The following AP3S1 variants were observed in gnomAD, a reference collection of about 807,000 sequenced individuals.
The protein encoded by AP3S1 is AP-3 complex subunit sigma-1.
In AP3S1, 12 loss-of-function variants were observed where a neutral mutation model predicts 21.3. That is an observed-to-expected ratio of 0.56 (90% CI 0.36 to 0.91). The LOEUF is 0.91. AP3S1 is among the 40% of genes least tolerant of loss of function. AP3S1 has a pLI of 0.01. For synonymous variants in AP3S1, 48 were observed against 78.4 expected, an observed-to-expected ratio of 0.61 and a Z score of 2.05; for missense variants, 116 against 225.0, an observed-to-expected ratio of 0.52 and a Z score of 3.10.
intron 4 of AP3S1, among the ~76,000 whole-genome samples, chr5:115,896,317 G>A (rs1486221742): frequency 6.6e-6 from 1 of 152,144 alleles, no homozygotes; most frequent in East Asian, 1.9e-4. Context: ...TTTACCAAGT[G>A]ATTTGATTTT....
At chr5:115,890,128 C>G (rs954422535) in intron 3 of AP3S1, among the ~76,000 whole-genome samples, 1 of 152,140 alleles carries the variant, frequency 6.6e-6, no homozygotes, top group Non-Finnish European at 1.5e-5. Flanking sequence ...ACTCTTTGAC[C>G]TAGCAGTTCT....
intron 2 of AP3S1, among the ~76,000 whole-genome samples, chr5:115,868,948 A>G (rs960002020): frequency 4.6e-5 from 2 of 43,358 alleles, no homozygotes; most frequent in African/African-American, 1.0e-4. Flanking sequence ...GAAGGAAGGA[A>G]GGAAGGGAGG....
chr5:115,846,143 A>G (rs987420830), intron 1 of AP3S1, among the ~76,000 whole-genome samples: 3 of 152,158 alleles, frequency 2.0e-5, no homozygotes, highest in African/African-American at 7.2e-5. Flanking sequence ...TTGTGATTCC[A>G]TAGTGTATCC....
chr5:115,872,914 A>G (rs1748395075), intron 3 of AP3S1, among the ~76,000 whole-genome samples: 1 of 152,178 alleles, frequency 6.6e-6, no homozygotes, highest in Non-Finnish European at 1.5e-5. Flanking sequence ...TCTGTTTCCC[A>G]TGACTGAAGA....
intron 3 of AP3S1, among the ~76,000 whole-genome samples, chr5:115,890,164 T>C (rs1339503983): frequency 6.6e-6 from 1 of 152,234 alleles, no homozygotes; most frequent in Non-Finnish European, 1.5e-5. Context: ...TCAGTAGATA[T>C]GTGTATACGT....
chr5:115,849,404 G>A (rs1762280143), intron 1 of AP3S1, among the ~76,000 whole-genome samples: 1 of 152,200 alleles, frequency 6.6e-6, no homozygotes, highest in Non-Finnish European at 1.5e-5. Context: ...CAGGCAGAAA[G>A]AAGTGCAGTG....
intron 3 of AP3S1, among the ~76,000 whole-genome samples, chr5:115,872,043 G>T (rs2112845215): frequency 6.6e-6 from 1 of 152,270 alleles, no homozygotes; most frequent in East Asian, 1.9e-4. Context: ...GCCAGGTGTG[G>T]TAGTTCACAC....
intron 3 of AP3S1, among the ~76,000 whole-genome samples, chr5:115,883,512 G>C (rs1338485362): frequency 6.6e-6 from 1 of 152,126 alleles, no homozygotes; most frequent in Non-Finnish European, 1.5e-5. Context: ...CCCTGCTTCT[G>C]CTCACCCTTT....
chr5:115,864,665 C>G lies in AP3S1; in HGVS notation c.70-2005C>G, dbSNP rs559268390. Reference sequence around the variant, plus strand: ...TGACTTCACAGGATTTATGACACAACCAATCAAAGAAATCATGGAAGAGAT... The same window carrying G: ...TGACTTCACAGGATTTATGACACAAGCAATCAAAGAAATCATGGAAGAGAT... On this transcript the variant is annotated intron_variant, in intron 1 of 5. Coordinates refer to ENST00000316788, the MANE Select transcript of AP3S1 (RefSeq NM_001284.4). 2.7e-3 allele frequency among the ~76,000 whole-genome samples: 417 copies of G among 152,094 alleles called. 3 individuals are homozygous for G. The highest frequency in any genetic ancestry group is 9.4e-3 in the African/African-American group (388 of 41,480).
At chr5:115,903,046 C>CA in intron 5 of AP3S1, 54 bp downstream of exon 5, 1 of 1,277,650 alleles carries the variant, frequency 7.8e-7, no homozygotes, top group Non-Finnish European at 1.1e-6. Context: ...TGACAGATTA[C>CA]GCATGATTTG....
chr5:115,866,780 A>C lies in AP3S1; in HGVS notation c.161+19A>C. The C allele has an allele frequency of 6.6e-7, 1 of 1,517,890 alleles. No homozygotes were observed. Among genetic ancestry groups the C allele is most frequent in the Non-Finnish European group, 9.1e-7 (1 of 1,104,746 alleles). The allele number at this position is 1,517,890 out of a possible 1,614,324, so 94.0% of individuals were successfully genotyped here. A position where few individuals can be genotyped will look rare whatever the true frequency, so the allele number is the denominator to read the frequency against. Reference sequence around the variant, plus strand: ...GAGGATTGTAAGTAAAGCATTTCATAGACATTTCTAAGTTTTGACTATGTG... The same window carrying C: ...GAGGATTGTAAGTAAAGCATTTCATCGACATTTCTAAGTTTTGACTATGTG... On this transcript the variant is annotated intron_variant, in intron 2 of 5. Transcript: ENST00000316788.
At chr5:115,890,460 A>C (rs973135872) in intron 3 of AP3S1, among the ~76,000 whole-genome samples, 19 of 152,242 alleles carry the variant, frequency 1.2e-4, no homozygotes, top group Non-Finnish European at 5.9e-5. Context: ...AAATGTATTC[A>C]TAGTGTTAGG....
At chr5:115,860,417 C>T (rs1000717137) in intron 1 of AP3S1, among the ~76,000 whole-genome samples, 5 of 152,156 alleles carry the variant, frequency 3.3e-5, no homozygotes, top group Non-Finnish European at 5.9e-5. Context: ...CCACAGTACC[C>T]CTTGCTCTCC....
chr5:115,862,054 G>T (rs1763238559), intron 1 of AP3S1, among the ~76,000 whole-genome samples: 1 of 151,756 alleles, frequency 6.6e-6, no homozygotes, highest in South Asian at 2.1e-4. Context: ...CTTTTTATAG[G>T]ATTCCATTGT....
intron 4 of AP3S1, among the ~76,000 whole-genome samples, chr5:115,896,421 A>G (rs1750758029): frequency 6.6e-6 from 1 of 152,142 alleles, no homozygotes; most frequent in Non-Finnish European, 1.5e-5. Context: ...TGCTATGTCT[A>G]ATGCTTTTTC....
chr5:115,882,415 G>C (rs1749377956), intron 3 of AP3S1, among the ~76,000 whole-genome samples: 1 of 152,140 alleles, frequency 6.6e-6, no homozygotes, highest in Non-Finnish European at 1.5e-5. Context: ...CCTTGTTGAT[G>C]CTATTCCTTT....
At chr5:115,889,851 A>G (rs1750132013) in intron 3 of AP3S1, among the ~76,000 whole-genome samples, 1 of 152,126 alleles carries the variant, frequency 6.6e-6, no homozygotes, top group Non-Finnish European at 1.5e-5. Context: ...ATGAGCAGAA[A>G]TCTTGAACAG....
chr5:115,883,515 C>T (rs1056197989), intron 3 of AP3S1, among the ~76,000 whole-genome samples: 3 of 152,296 alleles, frequency 2.0e-5, no homozygotes, highest in Admixed American at 6.5e-5. Flanking sequence ...TGCTTCTGCT[C>T]ACCCTTTGTT....
chr5:115,876,295 G>C (rs1297800643), intron 3 of AP3S1, among the ~76,000 whole-genome samples: 1 of 152,194 alleles, frequency 6.6e-6, no homozygotes, highest in African/African-American at 2.4e-5. Flanking sequence ...CTTCACAGTA[G>C]TGAAGGAAGT....
Sources: allele counts gnomAD v4.1 joint callset (sites outside exome capture counted in the v4.1 genomes callset), GRCh38; gene constraint gnomAD v4.1.1; transcripts MANE v1.5; gene names NCBI Gene and HGNC (gene_info 2026-07-23, HGNC 2026-07-21).